Variants in STXBP5L observed in about 807,000 individuals in gnomAD.
STXBP5L encodes the protein syntaxin-binding protein 5-like.
Under a neutral mutation model 144.5 loss-of-function variants are expected in STXBP5L, and 65 were observed. That is an observed-to-expected ratio of 0.45 (90% CI 0.37 to 0.55). The LOEUF (loss-of-function observed/expected upper bound fraction) is 0.55. STXBP5L is among the 20% of genes least tolerant of loss of function. The pLI is 0.00. For missense variants in STXBP5L, 1,298 were observed against 1,405.5 expected (o/e 0.92, Z 1.22); for synonymous variants, 505 against 469.6 (o/e 1.08, Z -0.97).
At chr3:121,202,272 C>G (rs537615499) in intron 9 of STXBP5L, among the ~76,000 whole-genome samples, 6 of 152,222 alleles carry the variant, frequency 3.9e-5, no homozygotes, top group African/African-American at 1.4e-4. Context: ...TCATTTGTTG[C>G]TGTAGATTCA....
chr3:120,948,896 AT>A (rs144774988), intron 2 of STXBP5L, among the ~76,000 whole-genome samples: 40 of 149,752 alleles, frequency 2.7e-4, no homozygotes, highest in African/African-American at 4.6e-4. Context: ...TCATATAATG[AT>A]TTTTTTTTTC....
intron 5 of STXBP5L, among the ~76,000 whole-genome samples, chr3:121,079,564 TATTA>T (rs1417050908): frequency 6.6e-6 from 1 of 152,260 alleles, no homozygotes; most frequent in African/African-American, 2.4e-5. Context: ...TAGTTGATTT[TATTA>T]ATTCCTTCTT....
intron 5 of STXBP5L, among the ~76,000 whole-genome samples, chr3:121,054,185 A>T (rs1037117478): frequency 1.3e-5 from 2 of 152,206 alleles, no homozygotes; most frequent in Non-Finnish European, 2.9e-5. Flanking sequence ...CAGTGTGGCG[A>T]TTCCTCAGGG....
intron 19 of STXBP5L, among the ~76,000 whole-genome samples, chr3:121,317,890 A>G (rs2043837102): frequency 6.6e-6 from 1 of 152,118 alleles, no homozygotes; most frequent in Admixed American, 6.5e-5. Context: ...ATAAATAAAT[A>G]TAAAATTTAG....
chr3:121,148,195 A>C (rs2045790601), intron 7 of STXBP5L, among the ~76,000 whole-genome samples: 1 of 152,244 alleles, frequency 6.6e-6, no homozygotes. Context: ...GAAAACAAAA[A>C]TTTAGTACAT....
chr3:121,379,672 C>T (rs1484874989), intron 21 of STXBP5L, among the ~76,000 whole-genome samples: 1 of 151,954 alleles, frequency 6.6e-6, no homozygotes, highest in African/African-American at 2.4e-5. Context: ...TAAATCTGAT[C>T]CCTTAGATAT....
At chr3:121,257,704 T>A (rs912044057) in intron 17 of STXBP5L, among the ~76,000 whole-genome samples, 1 of 152,126 alleles carries the variant, frequency 6.6e-6, no homozygotes, top group Non-Finnish European at 1.5e-5. Context: ...GTGGGAGGAA[T>A]GCTTGAGACT....
intron 5 of STXBP5L, among the ~76,000 whole-genome samples, chr3:121,084,054 C>T (rs1398079382): frequency 6.6e-6 from 1 of 151,772 alleles, no homozygotes; most frequent in South Asian, 2.1e-4. Flanking sequence ...CATTGATTAT[C>T]TCTATTCTTT....
At chr3:120,936,032 T>G (rs1313499609) in intron 2 of STXBP5L, among the ~76,000 whole-genome samples, 2 of 152,194 alleles carry the variant, frequency 1.3e-5, no homozygotes, top group East Asian at 3.8e-4. Context: ...CTCATAGTGC[T>G]AGGATATTCG....
intron 7 of STXBP5L, among the ~76,000 whole-genome samples, chr3:121,143,798 C>T (rs2045605935): frequency 6.6e-6 from 1 of 151,760 alleles, no homozygotes; most frequent in African/African-American, 2.4e-5. Context: ...TTACTAAAAA[C>T]ATCAATTCAA....
At chr3:120,917,227 C>T (rs1709145748) in intron 2 of STXBP5L, among the ~76,000 whole-genome samples, 1 of 151,994 alleles carries the variant, frequency 6.6e-6, no homozygotes, top group Non-Finnish European at 1.5e-5. Flanking sequence ...TTGTCAGAGA[C>T]AAGTGAATTA....
At chr3:120,989,379 G>A (rs1388539624) in intron 3 of STXBP5L, among the ~76,000 whole-genome samples, 1 of 152,090 alleles carries the variant, frequency 6.6e-6, no homozygotes, top group African/African-American at 2.4e-5. Flanking sequence ...TTATTCTGAT[G>A]ATTTGTGATA....
At chr3:121,258,431 G>T (rs1338901372) in intron 17 of STXBP5L, among the ~76,000 whole-genome samples, 1 of 152,120 alleles carries the variant, frequency 6.6e-6, no homozygotes, top group African/African-American at 2.4e-5. Flanking sequence ...ATCATTGATT[G>T]TCCTCTCAAA....
intron 7 of STXBP5L, among the ~76,000 whole-genome samples, chr3:121,128,038 G>A (rs772965495): frequency 6.6e-6 from 1 of 151,932 alleles, no homozygotes; most frequent in Non-Finnish European, 1.5e-5. Context: ...TCTTCCTCAA[G>A]GAATAAATAA....
intron 20 of STXBP5L, among the ~76,000 whole-genome samples, chr3:121,367,906 T>A (rs1410598748): frequency 6.6e-6 from 1 of 151,150 alleles, no homozygotes; most frequent in African/African-American, 2.4e-5. Flanking sequence ...GTTATAGGCA[T>A]GAGCCATCTT....
chr3:121,157,555 C>T lies in STXBP5L; in HGVS notation c.805C>T (p.His269Tyr). The change falls in exon 9 of 27, where the codon CAT (histidine) becomes TAT (tyrosine). Residue 269 changes from histidine (H) to tyrosine (Y), a missense_variant. Physicochemically the swap from His to Tyr is moderately conservative, Grantham distance 83. Coordinates refer to ENST00000471454, the MANE Select transcript of STXBP5L (RefSeq NM_001308330.2). ...HHEGKQFMCS[H>Y]SDGSLTLWNL... Reference sequence around the variant, plus strand: ...TGAGGGCAAACAGTTCATGTGCAGCCATTCAGATGGTAGTTTGACTTTATG... The same window carrying T: ...TGAGGGCAAACAGTTCATGTGCAGCTATTCAGATGGTAGTTTGACTTTATG... 1 of 1,603,568 alleles carries T rather than the reference C, an allele frequency of 6.2e-7. No individual in the cohort carries two copies. Among genetic ancestry groups the T allele is most frequent in the Non-Finnish European group, 8.5e-7 (1 of 1,175,968 alleles).
intron 3 of STXBP5L, among the ~76,000 whole-genome samples, chr3:120,992,591 GGA>G (rs1943011320): frequency 6.6e-6 from 1 of 151,942 alleles, no homozygotes; most frequent in East Asian, 1.9e-4. Context: ...TTAACATGAT[GGA>G]CGTGCAGTTC....
At chr3:121,034,009 C>G (rs1277188895) in intron 3 of STXBP5L, among the ~76,000 whole-genome samples, 1 of 152,040 alleles carries the variant, frequency 6.6e-6, no homozygotes, top group Non-Finnish European at 1.5e-5. Flanking sequence ...ATAGTAACTA[C>G]TAAAATAGCA....
intron 3 of STXBP5L, among the ~76,000 whole-genome samples, chr3:120,968,525 A>G (rs774299270): frequency 6.6e-6 from 1 of 152,148 alleles, no homozygotes; most frequent in East Asian, 1.9e-4. Context: ...TAGACAGTAT[A>G]TAGTTGGATG....
Sources: allele counts gnomAD v4.1 joint callset (sites outside exome capture counted in the v4.1 genomes callset), GRCh38; gene constraint gnomAD v4.1.1; transcripts MANE v1.5; gene names NCBI Gene and HGNC (gene_info 2026-07-23, HGNC 2026-07-21).